Variants in ACTR3C observed in about 807,000 individuals in gnomAD.
ACTR3C encodes the protein actin related protein 3C.
ACTR3C carries 18 observed loss-of-function variants against 26.3 expected under a neutral mutation model. That is an observed-to-expected ratio of 0.68 (90% confidence interval 0.47 to 1.01). ACTR3C has a LOEUF of 1.01. Ranked by LOEUF, ACTR3C falls within the 50% of genes least tolerant of loss-of-function variation. The pLI is 0.00. For missense variants in ACTR3C, 184 were observed against 250.7 expected, an observed-to-expected ratio of 0.73 and a Z score of 1.80; for synonymous variants, 55 against 94.5, an observed-to-expected ratio of 0.58 and a Z score of 2.42.
chr7:150,291,519 A>T (rs907391959), intron 3 of ACTR3C, among the ~76,000 whole-genome samples: 24 of 152,206 alleles, frequency 1.6e-4, no homozygotes, highest in African/African-American at 5.1e-4. Context: ...TATTTCTTCA[A>T]ATTTGTCTAT....
chr7:149,947,356 G>A, the ACTR3C span, among the ~76,000 whole-genome samples: 315 of 115,956 alleles, frequency 2.7e-3, 8 homozygotes, highest in Admixed American at 0.026. Context: ...AAGAAGAGCA[G>A]TTCAGAATCC....
the ACTR3C span, among the ~76,000 whole-genome samples, chr7:150,007,275 C>T: frequency 6.6e-6 from 1 of 152,190 alleles, no homozygotes. Flanking sequence ...CTCATCACAT[C>T]TTCACAGGCA....
chr7:150,096,521 C>T, the ACTR3C span, among the ~76,000 whole-genome samples: 6 of 151,554 alleles, frequency 4.0e-5, no homozygotes, highest in Non-Finnish European at 7.4e-5. Context: ...GAAAGAAAAA[C>T]ATTGACGGTG....
chr7:150,223,321 A>G, the ACTR3C span, among the ~76,000 whole-genome samples: 1 of 152,010 alleles, frequency 6.6e-6, no homozygotes, highest in Non-Finnish European at 1.5e-5. Flanking sequence ...TCTCTTACAA[A>G]TGATTACATG....
the ACTR3C span, among the ~76,000 whole-genome samples, chr7:150,072,816 A>C: frequency 1.3e-5 from 2 of 152,084 alleles, no homozygotes; most frequent in African/African-American, 4.8e-5. Context: ...CTGAGCTCCT[A>C]AGAGGAGGAG....
chr7:150,252,145 T>C lies in ACTR3C; in HGVS notation c.565-3091A>G, dbSNP rs545599172. 6.5e-3 allele frequency among the ~76,000 whole-genome samples: 984 copies of C among 150,848 alleles called. 14 individuals carry two copies. The highest frequency in any genetic ancestry group is 0.023 in the African/African-American group (929 of 40,892). On this transcript the variant is annotated intron_variant, in intron 6 of 7. Coordinates refer to ENST00000683684, the MANE Select transcript of ACTR3C (RefSeq NM_001164458.2). ...GTGTCTGTGTGTGTGTGTGTGTGTGTGCATGTGTGTGTGTGTGTGTGTGCA... is the reference window on the plus strand; with the variant it reads ...GTGTCTGTGTGTGTGTGTGTGTGTGCGCATGTGTGTGTGTGTGTGTGTGCA...
At chr7:150,315,007 T>C (rs971912652) in intron 1 of ACTR3C, among the ~76,000 whole-genome samples, 2 of 147,132 alleles carry the variant, frequency 1.4e-5, no homozygotes, top group Admixed American at 1.4e-4. Flanking sequence ...TAAATATTAT[T>C]AAATAATAAA....
chr7:149,974,508 G>A, the ACTR3C span, among the ~76,000 whole-genome samples: 3 of 152,208 alleles, frequency 2.0e-5, no homozygotes, highest in Admixed American at 1.3e-4. Context: ...CTCAGTACCC[G>A]AAATTCTTTA....
the ACTR3C span, among the ~76,000 whole-genome samples, chr7:150,003,610 G>GGTGT: frequency 6.6e-6 from 1 of 151,574 alleles, no homozygotes; most frequent in South Asian, 2.1e-4. Flanking sequence ...TATGTTATCT[G>GGTGT]GTGTGTGTGT....
At chr7:149,940,362 T>C in the ACTR3C span, among the ~76,000 whole-genome samples, 16 of 152,218 alleles carry the variant, frequency 1.1e-4, no homozygotes, top group African/African-American at 3.9e-4. Flanking sequence ...TGCCTGAATT[T>C]TTCTTCTGAT....
At chr7:149,958,085 C>T in the ACTR3C span, among the ~76,000 whole-genome samples, 2 of 152,070 alleles carry the variant, frequency 1.3e-5, no homozygotes, top group Admixed American at 6.6e-5. Flanking sequence ...GAACTAGGTT[C>T]ACATTGATGG....
the ACTR3C span, among the ~76,000 whole-genome samples, chr7:150,229,775 C>A: frequency 1.6e-4 from 24 of 151,026 alleles, no homozygotes; most frequent in African/African-American, 5.4e-4. Context: ...GGATAACAGG[C>A]GTGAGCCACT....
chr7:150,142,016 G>A, the ACTR3C span, among the ~76,000 whole-genome samples: 2 of 152,154 alleles, frequency 1.3e-5, no homozygotes, highest in South Asian at 4.1e-4. Context: ...TCCAGCCCCA[G>A]CCATGGGGCA....
At chr7:150,108,721 A>G in the ACTR3C span, among the ~76,000 whole-genome samples, 1 of 150,728 alleles carries the variant, frequency 6.6e-6, no homozygotes, top group African/African-American at 2.5e-5. Context: ...AGATGCCAGC[A>G]CTTCGACCTC....
At chr7:149,966,138 A>AT in the ACTR3C span, among the ~76,000 whole-genome samples, 1,040 of 152,116 alleles carry the variant, frequency 6.8e-3, 4 homozygotes, top group Middle Eastern at 0.021. Context: ...CTCTTGCTTT[A>AT]TTTTTTTGTA....
At chr7:149,995,589 T>G in the ACTR3C span, among the ~76,000 whole-genome samples, 1 of 152,286 alleles carries the variant, frequency 6.6e-6, no homozygotes, top group African/African-American at 2.4e-5. Flanking sequence ...GTGGTAGAAT[T>G]AAGCACAGGA....
At chr7:150,018,616 CTAGA>C in the ACTR3C span, among the ~76,000 whole-genome samples, 3 of 150,112 alleles carry the variant, frequency 2.0e-5, 1 homozygote, top group South Asian at 6.2e-4. Context: ...CAGGAGTTGG[CTAGA>C]TATTTTAACA....
chr7:150,111,150 T>C, the ACTR3C span, among the ~76,000 whole-genome samples: 1 of 140,346 alleles, frequency 7.1e-6, no homozygotes, highest in Non-Finnish European at 1.5e-5. Flanking sequence ...TCTCTCAAGC[T>C]CATTCTGGGG....
chr7:150,180,679 A>G, the ACTR3C span, among the ~76,000 whole-genome samples: 1 of 144,504 alleles, frequency 6.9e-6, no homozygotes, highest in South Asian at 2.2e-4. Context: ...CGCCTGGCTA[A>G]TTTTTGTATT....
Sources: gnomAD v4.1 joint callset for allele counts (sites outside exome capture counted in the v4.1 genomes callset) on GRCh38, gnomAD v4.1.1 for gene constraint, MANE v1.5 for transcripts, NCBI Gene and HGNC (gene_info 2026-07-23, HGNC 2026-07-21) for gene names.